The following GALNTL6 variants were observed in gnomAD, a reference collection of about 807,000 sequenced individuals.
GALNTL6 encodes polypeptide N-acetylgalactosaminyltransferase like 6.
Under a neutral mutation model 73.7 loss-of-function variants are expected in GALNTL6, and 46 were observed. The ratio of observed to expected loss-of-function variants is 0.62; its 90% CI spans 0.49 to 0.80. The LOEUF (loss-of-function observed/expected upper bound fraction) is 0.80, where lower values mean the gene tolerates loss of function less well. Ranked by LOEUF, GALNTL6 falls within the 30% of genes least tolerant of loss-of-function variation. The pLI is 0.00. For synonymous variants in GALNTL6, 259 were observed against 263.7 expected, an observed-to-expected ratio of 0.98 and a Z score of 0.17; for missense variants, 604 against 755.0, an observed-to-expected ratio of 0.80 and a Z score of 2.34.
At chr4:172,494,374 A>G (rs1436332340) in intron 5 of GALNTL6, among the ~76,000 whole-genome samples, 1 of 152,186 alleles carries the variant, frequency 6.6e-6, no homozygotes. Flanking sequence ...TCATACTCTC[A>G]TGACATTTTC....
intron 5 of GALNTL6, among the ~76,000 whole-genome samples, chr4:172,741,706 T>G (rs938265134): frequency 6.6e-6 from 1 of 151,844 alleles, no homozygotes; most frequent in Non-Finnish European, 1.5e-5. Context: ...ACTATTCTAG[T>G]CCACACTTTA....
chr4:172,952,195 T>G lies in GALNTL6; in HGVS notation c.1308T>G (p.Ala436=). Residue 436 remains alanine (A), a synonymous_variant, in exon 10 of 13, where the codon GCT becomes GCG. Transcript: ENST00000506823. ...KCKDFKWFMA[A]VAWDVPKYYP... is the part of the protein sequence containing the mutation. ...AGGACTTCAAATGGTTCATGGCTGCTGTGGCCTGGGACGTGCCTAAATACT... is the reference window on the plus strand; with the variant it reads ...AGGACTTCAAATGGTTCATGGCTGCGGTGGCCTGGGACGTGCCTAAATACT... 1 of 1,614,074 alleles carries G rather than the reference T, an allele frequency of 6.2e-7. No homozygotes were observed. Among genetic ancestry groups the G allele is most frequent in the Non-Finnish European group, 8.5e-7 (1 of 1,179,992 alleles).
rs532929305 is a variant in GALNTL6, at chr4:172,061,037, C to T, written c.139-168619C>T. On this transcript the variant is annotated intron_variant, in intron 2 of 12. Transcript: ENST00000506823. ...AAAAAACAACAATCTTTCTAATTAG[C>T]CATGAAGAAAATACACATACATATT... Among the ~76,000 whole-genome samples the T allele has an allele frequency of 5.9e-5, 9 of 152,130 alleles. No individual in the cohort carries two copies. In the South Asian group the frequency reaches 1.0e-3, roughly 18 times the overall value.
chr4:172,380,728 G>A (rs1743252757), intron 5 of GALNTL6, among the ~76,000 whole-genome samples: 1 of 152,094 alleles, frequency 6.6e-6, no homozygotes, highest in African/African-American at 2.4e-5. Flanking sequence ...AATTTACCAC[G>A]AAAGAGAAGA....
chr4:173,033,269 CT>C (rs1156707147), intron 12 of GALNTL6, among the ~76,000 whole-genome samples: 2 of 151,980 alleles, frequency 1.3e-5, no homozygotes, highest in East Asian at 3.9e-4. Flanking sequence ...TCCCAAGGTG[CT>C]GGGATTACAG....
intron 3 of GALNTL6, among the ~76,000 whole-genome samples, chr4:172,307,824 G>A (rs1740198385): frequency 1.3e-5 from 2 of 151,684 alleles, no homozygotes; most frequent in Admixed American, 1.3e-4. Flanking sequence ...TCTTTGTCTT[G>A]CTTTGGTTAT....
intron 5 of GALNTL6, among the ~76,000 whole-genome samples, chr4:172,529,219 A>G (rs114495509): frequency 0.016 from 2,391 of 151,874 alleles, 22 homozygotes; most frequent in Non-Finnish European, 0.027. Flanking sequence ...AGCTGAAAAT[A>G]TAATCTAAAG....
intron 5 of GALNTL6, among the ~76,000 whole-genome samples, chr4:172,394,351 CAT>C (rs542171011): frequency 1.9e-4 from 29 of 151,174 alleles, no homozygotes; most frequent in African/African-American, 6.6e-4. Context: ...TGATGTAACA[CAT>C]GTGTTCCCAA....
intron 5 of GALNTL6, among the ~76,000 whole-genome samples, chr4:172,401,655 T>C (rs2111324890): frequency 6.6e-6 from 1 of 152,240 alleles, no homozygotes; most frequent in African/African-American, 2.4e-5. Context: ...CTTATTTAAG[T>C]ATACACATAC....
chr4:172,086,801 C>T (rs1417815062), intron 2 of GALNTL6, among the ~76,000 whole-genome samples: 1 of 152,102 alleles, frequency 6.6e-6, no homozygotes, highest in African/African-American at 2.4e-5. Context: ...GTTCTAGTAC[C>T]ATGTATAGTA....
At chr4:172,450,798 G>A (rs1732181745) in intron 5 of GALNTL6, among the ~76,000 whole-genome samples, 1 of 152,194 alleles carries the variant, frequency 6.6e-6, no homozygotes, top group Admixed American at 6.5e-5. Context: ...CTGCTTCCAT[G>A]TTTTGGTTCA....
At chr4:172,377,560 G>T (rs1216235703) in intron 5 of GALNTL6, among the ~76,000 whole-genome samples, 1 of 152,160 alleles carries the variant, frequency 6.6e-6, no homozygotes, top group South Asian at 2.1e-4. Flanking sequence ...TTGGGCAGTC[G>T]ATGGGACTGG....
chr4:172,342,358 T>G (rs1450836753), intron 4 of GALNTL6, among the ~76,000 whole-genome samples: 1 of 152,218 alleles, frequency 6.6e-6, no homozygotes, highest in African/African-American at 2.4e-5. Context: ...TGCTGGATTC[T>G]TATTCGTTGC....
At chr4:172,495,766 T>A (rs897856537) in intron 5 of GALNTL6, among the ~76,000 whole-genome samples, 1 of 152,222 alleles carries the variant, frequency 6.6e-6, no homozygotes, top group Admixed American at 6.5e-5. Flanking sequence ...TGAGTCTGCA[T>A]TTCTAATAAG....
chr4:173,004,862 A>G (rs1435411756), intron 10 of GALNTL6, among the ~76,000 whole-genome samples: 1 of 152,158 alleles, frequency 6.6e-6, no homozygotes, highest in Non-Finnish European at 1.5e-5. Flanking sequence ...AGTGCCTACG[A>G]CATAGCAGGT....
At chr4:172,538,161 T>G (rs560393023) in intron 5 of GALNTL6, among the ~76,000 whole-genome samples, 1 of 152,058 alleles carries the variant, frequency 6.6e-6, no homozygotes, top group East Asian at 1.9e-4. Context: ...TAAAATGAAC[T>G]TCAAGATTTC....
chr4:172,538,012 G>A (rs975945608), intron 5 of GALNTL6, among the ~76,000 whole-genome samples: 1 of 152,132 alleles, frequency 6.6e-6, no homozygotes, highest in Non-Finnish European at 1.5e-5. Flanking sequence ...TGTTGCAGGG[G>A]TACAGATTAT....
intron 2 of GALNTL6, among the ~76,000 whole-genome samples, chr4:172,125,403 C>T (rs1238232671): frequency 6.6e-6 from 1 of 152,096 alleles, no homozygotes; most frequent in South Asian, 2.1e-4. Flanking sequence ...GGAATTAAAC[C>T]AAAACCTAGC....
At chr4:172,584,595 T>TTAA (rs1351111263) in intron 5 of GALNTL6, among the ~76,000 whole-genome samples, 2 of 152,176 alleles carry the variant, frequency 1.3e-5, no homozygotes, top group Non-Finnish European at 2.9e-5. Flanking sequence ...ATGCTTCTTA[T>TTAA]TAGGAAGACT....
Sources: allele counts gnomAD v4.1 joint callset (sites outside exome capture counted in the v4.1 genomes callset), GRCh38; gene constraint gnomAD v4.1.1; transcripts MANE v1.5; gene names NCBI Gene and HGNC (gene_info 2026-07-23, HGNC 2026-07-21).